The following SPSB1 variants were observed in gnomAD, a reference collection of about 807,000 sequenced individuals.
The protein encoded by SPSB1 is SPRY domain-containing SOCS box protein 1.
Under a neutral mutation model 21.2 loss-of-function variants are expected in SPSB1, and 8 were observed. That is an observed-to-expected ratio of 0.38 (90% CI 0.22 to 0.68). SPSB1 has a LOEUF of 0.68. Among genes scored for constraint, SPSB1 ranks in the 30% least tolerant of loss-of-function variants. The pLI is 0.53. For synonymous variants in SPSB1, 169 were observed against 161.7 expected, an observed-to-expected ratio of 1.05 and a Z score of -0.34; for missense variants, 242 against 377.8, an observed-to-expected ratio of 0.64 and a Z score of 2.98.
At chr1:9,314,181 AAAAAAAC>A (rs1229003977) in intron 1 of SPSB1, among the ~76,000 whole-genome samples, 1 of 151,330 alleles carries the variant, frequency 6.6e-6, no homozygotes, top group Admixed American at 6.6e-5. Context: ...ATCTCAAAAA[AAAAAAAC>A]AAAAAACAAA....
In SPSB1 at chr1:9,292,904, C is replaced by A. The variant is rs1210218209; in HGVS notation, c.-317C>A. On this transcript the variant is annotated 5_prime_UTR_variant, in exon 1 of 3. Transcript: ENST00000328089. The stretch of plus-strand genomic sequence containing the variant: ...TGCTTTTTCTCCTCCGCACAGAAGT[C>A]GCGCTCGGGCAGCCTGCGCGCTCGC... 23 of 982,736 alleles carry A rather than the reference C, an allele frequency of 2.3e-5. No homozygotes were observed. The highest frequency in any genetic ancestry group is 5.2e-4 in the Middle Eastern group (1 of 1,912). 60.9% of individuals were successfully genotyped at this position (982,736 alleles called of 1,614,324 possible).
intron 1 of SPSB1, among the ~76,000 whole-genome samples, chr1:9,347,680 C>T (rs1213912060): frequency 6.6e-6 from 1 of 152,176 alleles, no homozygotes; most frequent in Non-Finnish European, 1.5e-5. Flanking sequence ...CATGGAGCTC[C>T]GTGGTGTAGA....
At chr1:9,325,460 C>T (rs756056958) in intron 1 of SPSB1, among the ~76,000 whole-genome samples, 2 of 152,162 alleles carry the variant, frequency 1.3e-5, no homozygotes, top group African/African-American at 2.4e-5. Flanking sequence ...AGATGGATGC[C>T]TGCCCACCTC....
At position 9,324,923 on chromosome 1, in the gene SPSB1, G is replaced by A. The variant is rs996121236; in HGVS notation, c.-149-30820G>A. Among the ~76,000 whole-genome samples, 4 of 152,238 alleles carry A rather than the reference G, an allele frequency of 2.6e-5. No individual in the cohort carries two copies. Among genetic ancestry groups the A allele is most frequent in the Non-Finnish European group, 5.9e-5 (4 of 68,034 alleles). ...TTTCTTGGAAAAGCGAGTGGGGTGG[G>A]GGAGCAGGGACACCCGGCCTGGCGG... On this transcript the variant is annotated intron_variant, in intron 1 of 2. Coordinates refer to ENST00000328089, the MANE Select transcript of SPSB1 (RefSeq NM_025106.4). The surrounding 1 kb of genome is among the most constrained non-coding windows in gnomAD (Gnocchi z 4.3).
At chr1:9,362,157 T>A (rs1324322857) in intron 2 of SPSB1, among the ~76,000 whole-genome samples, 1 of 152,014 alleles carries the variant, frequency 6.6e-6, no homozygotes. Flanking sequence ...GGGAGACTGA[T>A]ACACCGCCAC....
At position 9,321,479 on chromosome 1, in the gene SPSB1, C is replaced by T. The variant is rs1639721566; in HGVS notation, c.-150+28408C>T. ...GGTGCCCGATAGAGAAGTGTCTCAG[C>T]AGTTCTGTTCTCCAGACCTTTACCG... On this transcript the variant is annotated intron_variant, in intron 1 of 2. Coordinates refer to ENST00000328089, the MANE Select transcript of SPSB1 (RefSeq NM_025106.4). This position sits in a 1 kb window ranked among gnomAD's most constrained non-coding sequence, Gnocchi z 4.8. 6.6e-6 allele frequency among the ~76,000 whole-genome samples: 1 copy of T among 152,176 alleles called. No individual in the cohort carries two copies. Among genetic ancestry groups the T allele is most frequent in the African/African-American group, 2.4e-5 (1 of 41,430 alleles).
Position 9,367,336 on chromosome 1 carries a change from C to T in SPSB1, c.695-112C>T. 1 of 1,548,502 alleles carries T rather than the reference C, an allele frequency of 6.5e-7. No individual in the cohort carries two copies. ...AAAAGCATTGCATTTTTCATTGTTT[C>T]TTTACTGATTTGAGTGAATACTAAT... On this transcript the variant is annotated intron_variant, in intron 2 of 2. Coordinates refer to ENST00000328089, the MANE Select transcript of SPSB1 (RefSeq NM_025106.4). The surrounding 1 kb of genome is among the most constrained non-coding windows in gnomAD (Gnocchi z 5.9).
chr1:9,355,075 C>A (rs186626304), intron 1 of SPSB1, among the ~76,000 whole-genome samples: 21 of 152,298 alleles, frequency 1.4e-4, no homozygotes, highest in Non-Finnish European at 2.5e-4. Context: ...GGGGGATGAG[C>A]CCCCCTTGCT....
chr1:9,336,579 G>C (rs1640006826), intron 1 of SPSB1, among the ~76,000 whole-genome samples: 1 of 152,192 alleles, frequency 6.6e-6, no homozygotes, highest in African/African-American at 2.4e-5. Flanking sequence ...AAAGAGGAGT[G>C]GGGGATCCTC....
In SPSB1 at chr1:9,356,793, A is replaced by G. The variant is rs12760778; in HGVS notation, c.694+208A>G. On this transcript the variant is annotated intron_variant, in intron 2 of 2. Transcript: ENST00000328089. This position sits in a 1 kb window ranked among gnomAD's most constrained non-coding sequence, Gnocchi z 7.4. ...TAGATTACCTAACGGTGCCTCATGA[A>G]TGAATGGACAGATGGATGGATGATG... 0.24 allele frequency among the ~76,000 whole-genome samples: 37,030 copies of G among 152,176 alleles called. 4,572 individuals are homozygous for G. Among genetic ancestry groups the G allele is most frequent in the East Asian group, 0.36 (1,862 of 5,176 alleles).
intron 1 of SPSB1, among the ~76,000 whole-genome samples, chr1:9,335,486 A>G (rs1639989748): frequency 7.4e-6 from 1 of 134,458 alleles, no homozygotes; most frequent in South Asian, 2.4e-4. Context: ...TGGGTGACAG[A>G]GCGAGTCTCT....
At chr1:9,350,699 G>A (rs575644720) in intron 1 of SPSB1, among the ~76,000 whole-genome samples, 62 of 152,358 alleles carry the variant, frequency 4.1e-4, no homozygotes, top group Middle Eastern at 3.4e-3. Flanking sequence ...TACGAGCCAC[G>A]CCCTTTGCGT....
rs142823263 is a variant in SPSB1 at position 9,366,455 on chromosome 1, T to A, written c.695-993T>A. ...GATTCAGGACAGGGTTTGCCATGTCTTCCTTTGCAGCATGGTTAGTGGCTA... is the reference window on the plus strand; with the variant it reads ...GATTCAGGACAGGGTTTGCCATGTCATCCTTTGCAGCATGGTTAGTGGCTA... On this transcript the variant is annotated intron_variant, in intron 2 of 2. Coordinates refer to ENST00000328089, the MANE Select transcript of SPSB1 (RefSeq NM_025106.4). Among the ~76,000 whole-genome samples the A allele has an allele frequency of 1.7e-3, 266 of 152,324 alleles. 1 individual carries two copies. Among genetic ancestry groups the A allele is most frequent in the African/African-American group, 6.2e-3 (259 of 41,574 alleles).
At chr1:9,338,854 A>AG (rs147296846) in intron 1 of SPSB1, among the ~76,000 whole-genome samples, 8,408 of 152,184 alleles carry the variant, frequency 0.055, 274 homozygotes, top group South Asian at 0.15. Context: ...GAATGGGATG[A>AG]GGGGGTCTTT....
chr1:9,342,442 G>A lies in SPSB1; in HGVS notation c.-149-13301G>A, dbSNP rs747766382. ...CCCAGCGTCAACCGTGGGAGAGCAC[G>A]GAGGATCCCAGTGGCTTGTCAATTC... is the stretch of plus-strand genomic sequence containing the variant. On this transcript the variant is annotated intron_variant, in intron 1 of 2. Coordinates refer to ENST00000328089, the MANE Select transcript of SPSB1 (RefSeq NM_025106.4). Among the ~76,000 whole-genome samples the A allele has an allele frequency of 5.9e-5, 9 of 152,330 alleles. No homozygotes were observed. The South Asian group carries it at 8.3e-4, about 14-fold the overall frequency.
At chr1:9,303,207 T>A (rs1289780386) in intron 1 of SPSB1, among the ~76,000 whole-genome samples, 1 of 152,154 alleles carries the variant, frequency 6.6e-6, no homozygotes, top group Admixed American at 6.5e-5. Flanking sequence ...TCTGTTAGTA[T>A]TACCATGCCC....
intron 1 of SPSB1, among the ~76,000 whole-genome samples, chr1:9,354,138 G>A (rs1640322131): frequency 1.3e-5 from 2 of 152,298 alleles, no homozygotes; most frequent in South Asian, 4.1e-4. Context: ...TGCAGAGCCT[G>A]GCCCTGGCTG....
intron 1 of SPSB1, among the ~76,000 whole-genome samples, chr1:9,309,146 G>A (rs1294038): frequency 6.6e-6 from 1 of 151,970 alleles, no homozygotes; most frequent in African/African-American, 2.4e-5. Flanking sequence ...GCCAGGCCCA[G>A]GGGTCGTCGG....
At chr1:9,338,357 G>A (rs1640037832) in intron 1 of SPSB1, among the ~76,000 whole-genome samples, 1 of 152,210 alleles carries the variant, frequency 6.6e-6, no homozygotes, top group Non-Finnish European at 1.5e-5. Context: ...GGCTCTGGGT[G>A]TGCTGTGACA....
Sources: allele counts gnomAD v4.1 joint callset (sites outside exome capture counted in the v4.1 genomes callset), GRCh38; gene constraint gnomAD v4.1.1; non-coding constraint Gnocchi (gnomAD v3.1); transcripts MANE v1.5; gene names NCBI Gene and HGNC (gene_info 2026-07-23, HGNC 2026-07-21).